Variants in MTUS2 observed in about 807,000 individuals in gnomAD.
MTUS2 encodes microtubule-associated tumor suppressor candidate 2.
Under a neutral mutation model 114.1 loss-of-function variants are expected in MTUS2, and 40 were observed. The observed-to-expected ratio is 0.35, with a 90% confidence interval of 0.27 to 0.46. MTUS2 has a LOEUF of 0.46. Ranked by LOEUF, MTUS2 falls within the 20% of genes least tolerant of loss-of-function variation. MTUS2 has a pLI of 1.00. For synonymous variants in MTUS2, 688 were observed against 672.0 expected (o/e 1.02, Z -0.37); for missense variants, 1,679 against 1,705.4 (o/e 0.98, Z 0.27).
intron 5 of MTUS2, among the ~76,000 whole-genome samples, chr13:29,206,029 A>G (rs973450889): frequency 3.3e-5 from 5 of 152,282 alleles, no homozygotes; most frequent in Admixed American, 3.3e-4. Flanking sequence ...TCCCATCAGC[A>G]ATATACAAGT....
At chr13:29,267,577 A>G (rs35687292) in intron 5 of MTUS2, among the ~76,000 whole-genome samples, 1,827 of 152,344 alleles carry the variant, frequency 0.012, 30 homozygotes, top group East Asian at 0.082. Flanking sequence ...TGAATAAGTA[A>G]ACATGTAGAG....
chr13:29,463,520 G>A (rs1303139353), intron 9 of MTUS2, among the ~76,000 whole-genome samples: 1 of 152,174 alleles, frequency 6.6e-6, no homozygotes, highest in Non-Finnish European at 1.5e-5. Context: ...CAGTGAAGTA[G>A]GCTCCAAGGG....
intron 7 of MTUS2, among the ~76,000 whole-genome samples, chr13:29,355,453 C>T (rs1869659136): frequency 6.6e-6 from 1 of 152,202 alleles, no homozygotes; most frequent in African/African-American, 2.4e-5. Flanking sequence ...GCACCCAAAC[C>T]AGCGAGATCT....
chr13:29,021,106 A>C (rs7999733), intron 2 of MTUS2, among the ~76,000 whole-genome samples: 66,866 of 151,976 alleles, frequency 0.44, 15,048 homozygotes, highest in Admixed American at 0.49. Context: ...ATCTCTACAA[A>C]AAATTAAAAA....
chr13:29,378,116 G>A (rs1339865808), intron 8 of MTUS2, among the ~76,000 whole-genome samples: 2 of 152,234 alleles, frequency 1.3e-5, no homozygotes, highest in East Asian at 3.9e-4. Flanking sequence ...GGTTAGAGAT[G>A]GGGGAGTGTG....
At chr13:29,491,374 GTA>G (rs369359527) in intron 11 of MTUS2, among the ~76,000 whole-genome samples, 4 of 149,556 alleles carry the variant, frequency 2.7e-5, no homozygotes, top group Non-Finnish European at 4.5e-5. Context: ...TGTGTATATG[GTA>G]TATATGTGTG....
At chr13:28,976,326 G>A (rs538881722) in intron 2 of MTUS2, among the ~76,000 whole-genome samples, 1 of 152,170 alleles carries the variant, frequency 6.6e-6, no homozygotes, top group East Asian at 1.9e-4. Context: ...ACCTAATGTT[G>A]TATGAGAACT....
intron 5 of MTUS2, among the ~76,000 whole-genome samples, chr13:29,233,646 A>G (rs1896423182): frequency 6.6e-6 from 1 of 152,192 alleles, no homozygotes; most frequent in East Asian, 1.9e-4. Flanking sequence ...GACATTTTGT[A>G]TTTGTGGTGA....
At chr13:29,351,766 C>T (rs2138185951) in intron 7 of MTUS2, among the ~76,000 whole-genome samples, 1 of 130,776 alleles carries the variant, frequency 7.6e-6, no homozygotes, top group African/African-American at 2.6e-5. Context: ...CCATACCTGG[C>T]TAATTTTGTT....
Position 29,316,581 on chromosome 13 carries a change from T to C in MTUS2, c.2807-8032T>C, listed in dbSNP as rs186782109. Among the ~76,000 whole-genome samples the C allele has an allele frequency of 3.1e-3, 467 of 152,256 alleles. 8 individuals carry two copies. Among genetic ancestry groups the C allele is most frequent in the African/African-American group, 0.01 (431 of 41,562 alleles). On this transcript the variant is annotated intron_variant, in intron 6 of 15. Coordinates refer to ENST00000612955, the MANE Select transcript of MTUS2 (RefSeq NM_001033602.4). ...TGGAATCAGACTCTACTTGGATCCA[T>C]TGTGCTTCTATGGGCAGGTGAGCAG...
chr13:29,356,622 A>C (rs1869765064), intron 7 of MTUS2, among the ~76,000 whole-genome samples: 1 of 152,196 alleles, frequency 6.6e-6, no homozygotes, highest in South Asian at 2.1e-4. Flanking sequence ...AGTAGTAACA[A>C]AGATTGACAG....
At chr13:28,978,205 G>A (rs1164247894) in intron 2 of MTUS2, among the ~76,000 whole-genome samples, 1 of 152,168 alleles carries the variant, frequency 6.6e-6, no homozygotes, top group Non-Finnish European at 1.5e-5. Flanking sequence ...AAGTGAAATA[G>A]GCAAGTGTCT....
chr13:29,281,640 A>G, intron 5 of MTUS2, 64 bp from the exon 6 acceptor site: 1 of 1,511,670 alleles, frequency 6.6e-7, no homozygotes, highest in Non-Finnish European at 9.0e-7. Context: ...TGGCAAGTGC[A>G]AATGGTGAGG....
At chr13:29,126,669 G>A (rs1332240547) in intron 5 of MTUS2, among the ~76,000 whole-genome samples, 2 of 151,836 alleles carry the variant, frequency 1.3e-5, no homozygotes, top group Non-Finnish European at 2.9e-5. Flanking sequence ...GCTGTTGTTA[G>A]TATATTTTAT....
intron 5 of MTUS2, among the ~76,000 whole-genome samples, chr13:29,158,358 C>CCCCCCCTTCTTTT: frequency 1.2e-4 from 4 of 32,048 alleles, no homozygotes; most frequent in Non-Finnish European, 2.0e-4. Context: ...GTCCACCCCG[C>CCCCCCCTTCTTTT]TTTTTTTTTT....
intron 5 of MTUS2, among the ~76,000 whole-genome samples, chr13:29,210,853 G>A (rs1401055332): frequency 4.6e-5 from 7 of 150,910 alleles, no homozygotes; most frequent in Non-Finnish European, 7.4e-5. Context: ...TGGACTCTGA[G>A]AGAGTCCTTG....
At chr13:28,912,947 GTGCACATTGATTTTTGTA>G (rs1171572216) in intron 2 of MTUS2, among the ~76,000 whole-genome samples, 1 of 151,638 alleles carries the variant, frequency 6.6e-6, no homozygotes, top group Admixed American at 6.6e-5. Context: ...GAGTTAATGG[GTGCACATTGATTTTTGTA>G]TCCTGAGACT....
At chr13:29,383,242 G>GTATATATATATATATATTTA (rs1315060468) in intron 8 of MTUS2, among the ~76,000 whole-genome samples, 96 of 28,694 alleles carry the variant, frequency 3.3e-3, no homozygotes, top group South Asian at 0.021. Context: ...GTGTGTGTGT[G>GTATATATATATATATATTTA]TGTGTGTGTG....
Position 29,478,604 on chromosome 13 carries a change from C to T in MTUS2, c.3185-1546C>T, listed in dbSNP as rs923990911. Among the ~76,000 whole-genome samples the T allele has an allele frequency of 5.3e-5, 8 of 151,300 alleles. 1 individual carries two copies. Among genetic ancestry groups the T allele is most frequent in the Admixed American group, 2.0e-4 (3 of 15,248 alleles). ...AATATTGTTTAGAATTATTGGTGCA[C>T]GGCGCTAATCAAAAGCCAGGGTCTT... On this transcript the variant is annotated intron_variant, in intron 9 of 15. Transcript: ENST00000612955.
Sources: allele counts gnomAD v4.1 joint callset (sites outside exome capture counted in the v4.1 genomes callset), GRCh38; gene constraint gnomAD v4.1.1; transcripts MANE v1.5; gene names NCBI Gene and HGNC (gene_info 2026-07-23, HGNC 2026-07-21).